Variants in EP400 observed in about 807,000 individuals in gnomAD.
EP400 encodes E1A binding protein p400, also known as E1A-binding protein p400.
A neutral mutation model predicts 354.1 loss-of-function variants in EP400; 105 were observed. The observed-to-expected ratio is 0.30, with a 90% confidence interval of 0.25 to 0.35. The LOEUF is 0.35. EP400 is among the 10% of genes least tolerant of loss of function. The probability of loss-of-function intolerance (pLI) is 1.00; values close to 1 mark genes in which losing one functional copy is unlikely to be tolerated. For missense variants in EP400, 3,280 were observed against 4,121.0 expected (o/e 0.80, Z 5.59); for synonymous variants, 1,646 against 1,716.9 (o/e 0.96, Z 1.02).
At chr12:132,026,225 C>T (rs943974055) in intron 25 of EP400, among the ~76,000 whole-genome samples, 9 of 152,186 alleles carry the variant, frequency 5.9e-5, no homozygotes, top group Admixed American at 3.9e-4. Flanking sequence ...TCTGAGTCCC[C>T]GCTCTGTGCC....
At chr12:132,000,910 T>C in intron 12 of EP400, among the ~76,000 whole-genome samples, 1 of 152,252 alleles carries the variant, frequency 6.6e-6, no homozygotes, top group African/African-American at 2.4e-5. Context: ...TCTTCAAATA[T>C]GAAATTTTAT....
At position 132,075,738 on chromosome 12, in the gene EP400, G is replaced by A. The variant is rs1296256737; in HGVS notation, c.9022-778G>A. On this transcript the variant is annotated intron_variant, in intron 51 of 52. Transcript: ENST00000389561. This position sits in a 1 kb window ranked among gnomAD's most constrained non-coding sequence, Gnocchi z 4.5. ...CACATATTTCGCAGAATAATCTTGG[G>A]AAATATTATTTTCATCCGTTTTCTG... The A allele has an allele frequency of 6.6e-6, 1 of 152,242 alleles. No homozygotes were observed. The highest frequency in any genetic ancestry group is 1.5e-5 in the Non-Finnish European group (1 of 68,100). The allele number at this position is 152,242 out of a possible 1,614,324, so 9.4% of individuals were successfully genotyped here.
In EP400 at chr12:132,028,199, G is replaced by C. The variant is rs34531099; in HGVS notation, c.5292G>C (p.Ala1764=). The change falls in exon 27 of 53, where the codon GCG becomes GCC. Residue 1764 remains alanine, a synonymous_variant. Transcript: ENST00000389561. ...DGRRGKEAGP[A]HSYTSSSESP... ...GTCGTGGGAAGGAGGCCGGGCCAGC[G>C]CACAGTTACACTTCATCCTCAGAAA... is the stretch of plus-strand genomic sequence containing the variant. 6.2e-7 allele frequency: 1 copy of C among 1,614,162 alleles called. No individual in the cohort carries two copies. The highest frequency in any genetic ancestry group is 1.3e-5 in the African/African-American group (1 of 75,030).
Position 132,017,639 on chromosome 12 carries a change from C to G in EP400, c.4028C>G (p.Pro1343Arg), listed in dbSNP as rs561755885. 1 of 1,607,130 alleles carries G rather than the reference C, an allele frequency of 6.2e-7. No individual in the cohort carries two copies. Among genetic ancestry groups the G allele is most frequent in the South Asian group, 1.1e-5 (1 of 90,578 alleles). ...NHPGLVEPRHPGSSYVAGPLE... is the reference protein window; with the variant it reads ...NHPGLVEPRHRGSSYVAGPLE... ...CCTGGGCTCGTCGAGCCCCGGCACC[C>G]AGGCTCTTCCTACGTGGCGGGGCCA... is the stretch of plus-strand genomic sequence containing the variant. Residue 1343 changes from proline (P) to arginine (R), a missense_variant, in exon 20 of 53, where the codon CCA becomes CGA. By Grantham distance (103) the Pro-to-Arg change is moderately radical. This residue lies in a region of EP400 where 342 missense variants were observed against 342.7 expected (regional missense o/e 1.00). Coordinates refer to ENST00000389561, the MANE Select transcript of EP400 (RefSeq NM_015409.5). The surrounding 1 kb of genome is among the most constrained non-coding windows in gnomAD (Gnocchi z 5.0).
chr12:131,963,221 A>G (rs778300449), intron 2 of EP400, among the ~76,000 whole-genome samples: 14 of 152,206 alleles, frequency 9.2e-5, no homozygotes. Context: ...CTATTCTGCA[A>G]ATTTCCTAGG....
intron 2 of EP400, among the ~76,000 whole-genome samples, chr12:131,968,134 T>C (rs1245106187): frequency 1.3e-5 from 2 of 152,248 alleles, no homozygotes; most frequent in African/African-American, 4.8e-5. Flanking sequence ...TTTTTTCTTT[T>C]ATGGATTTGC....
At chr12:131,989,757 C>G (rs1892969935) in intron 7 of EP400, among the ~76,000 whole-genome samples, 1 of 152,176 alleles carries the variant, frequency 6.6e-6, no homozygotes, top group African/African-American at 2.4e-5. Flanking sequence ...TATAAAAACA[C>G]TTTCTAGAAA....
At chr12:132,023,724 C>G in intron 23 of EP400, 53 bp from the exon 24 acceptor site, 2 of 1,596,518 alleles carry the variant, frequency 1.3e-6, no homozygotes, top group Non-Finnish European at 1.7e-6. Flanking sequence ...TATGACACTC[C>G]CAAATTTTTT....
chr12:132,045,925 C>A, intron 39 of EP400, 25 bp downstream of exon 39: 1 of 1,612,286 alleles, frequency 6.2e-7, no homozygotes, highest in Non-Finnish European at 8.5e-7. Flanking sequence ...GTTTGTCCTT[C>A]GAGGAGAGCA....
intron 1 of EP400, among the ~76,000 whole-genome samples, chr12:131,958,074 T>C (rs1231568713): frequency 1.3e-5 from 2 of 152,248 alleles, no homozygotes; most frequent in Non-Finnish European, 2.9e-5. Context: ...CTGATCTCCT[T>C]TGACACTCTG....
rs1895721400 is a variant in EP400 at position 132,062,297 on chromosome 12, G to A, written c.8072G>A (p.Arg2691Gln). 1.2e-6 allele frequency: 2 copies of A among 1,614,160 alleles called. No individual in the cohort carries two copies. Among genetic ancestry groups the A allele is most frequent in the South Asian group, 1.1e-5 (1 of 91,090 alleles). The change falls in exon 46 of 53, where the codon CGG becomes CAG. Residue 2691 changes from arginine (R) to glutamine (Q), a missense_variant. This residue lies in a region of EP400 where 255 missense variants were observed against 295.9 expected (regional missense o/e 0.86). Coordinates refer to ENST00000389561, the MANE Select transcript of EP400 (RefSeq NM_015409.5). ...CTGACCCCAGTGCAGACCCCGGCAC[G>A]GTCTTTGGTGCCCCAAGTGTCCCAA... ...TNLTPVQTPA[R>Q]SLVPQVSQAT...
At chr12:132,063,990 T>C (rs1471906631) in intron 47 of EP400, among the ~76,000 whole-genome samples, 1 of 146,606 alleles carries the variant, frequency 6.8e-6, no homozygotes, top group Non-Finnish European at 1.5e-5. Flanking sequence ...GCCACACAGG[T>C]ACCTTGTCAC....
At chr12:132,035,457 G>T (rs1468374086) in intron 30 of EP400, among the ~76,000 whole-genome samples, 1 of 152,246 alleles carries the variant, frequency 6.6e-6, no homozygotes, top group Non-Finnish European at 1.5e-5. Flanking sequence ...GAAGTGGGAA[G>T]TAAGGCGGAC....
intron 12 of EP400, 151 bp from the exon 13 acceptor site, chr12:132,004,926 C>T: frequency 1.5e-6 from 1 of 688,744 alleles, no homozygotes; most frequent in Non-Finnish European, 2.6e-6. Context: ...AATCTTTTTC[C>T]AAGGAGTGAT....
chr12:131,951,611 G>A (rs1359303464), intron 1 of EP400, among the ~76,000 whole-genome samples: 1 of 151,914 alleles, frequency 6.6e-6, no homozygotes, highest in Admixed American at 6.6e-5. Context: ...TCTTTTTATT[G>A]TTTTTTTGTA....
rs1173299708 is a variant in EP400 at position 132,030,009 on chromosome 12, A to G, written c.5605A>G (p.Ile1869Val). 6.2e-7 allele frequency: 1 copy of G among 1,614,232 alleles called. No individual in the cohort carries two copies. The highest frequency in any genetic ancestry group is 2.2e-5 in the East Asian group (1 of 44,888). The change falls in exon 29 of 53, where the codon ATC (isoleucine) becomes GTC (valine). Residue 1869 changes from isoleucine (I) to valine (V), a missense_variant. By Grantham distance (29) the Ile-to-Val change is conservative (BLOSUM62 3). Around this residue, in one of 20 missense-constraint regions of EP400, gnomAD observed 459 missense variants for 496.9 expected, o/e 0.92. Coordinates refer to ENST00000389561, the MANE Select transcript of EP400 (RefSeq NM_015409.5). The stretch of plus-strand genomic sequence containing the variant: ...CCCAGGGAAGTTGGAAGCTTTAGCT[A>G]TCTTGCTTCAGAAATTGAAATCTGA... Reference protein sequence around the residue: ...FDSGKLEALAILLQKLKSEGR... With the variant: ...FDSGKLEALAVLLQKLKSEGR...
At chr12:131,989,216 T>C (rs1480020190) in intron 7 of EP400, among the ~76,000 whole-genome samples, 1 of 152,206 alleles carries the variant, frequency 6.6e-6, no homozygotes, top group Non-Finnish European at 1.5e-5. Context: ...GGGCCATCTC[T>C]CAACAGCTGA....
rs563248491 is a variant in EP400 at position 132,035,790 on chromosome 12, G to A, written c.5952-1892G>A. 1.8e-3 allele frequency among the ~76,000 whole-genome samples: 255 copies of A among 144,298 alleles called. 1 individual carries two copies. The highest frequency in any genetic ancestry group is 6.3e-3 in the African/African-American group (243 of 38,558). The allele number at this position is 144,298 out of a possible 152,430, so 94.7% of individuals were successfully genotyped here. ...CACAGCCAGGTTCACACGGAACGTC[G>A]TGGAAGGACATACCCAGGTTCACGC... On this transcript the variant is annotated intron_variant, in intron 30 of 52. Transcript: ENST00000389561.
In EP400 at chr12:132,006,743, A is replaced by G. The variant is rs1173494475; in HGVS notation, c.3170A>G (p.Asp1057Gly). Residue 1057 changes from aspartate (D) to glycine (G), a missense_variant, in exon 15 of 53, where the codon GAT becomes GGT. Physicochemically the swap from Asp to Gly is moderately conservative, Grantham distance 94. Coordinates refer to ENST00000389561, the MANE Select transcript of EP400 (RefSeq NM_015409.5). ...APSLLYGALR[D>G]YQKIGLDWLA... The stretch of plus-strand genomic sequence containing the variant: ...TCTTTGTTGTATGGGGCTCTCAGAG[A>G]TTATCAGAAGATTGGCCTGGACTGG... 6.2e-7 allele frequency: 1 copy of G among 1,612,862 alleles called. No homozygotes were observed. Among genetic ancestry groups the G allele is most frequent in the African/African-American group, 1.3e-5 (1 of 74,858 alleles).
Sources: allele counts gnomAD v4.1 joint callset (sites outside exome capture counted in the v4.1 genomes callset), GRCh38; gene constraint gnomAD v4.1.1; regional missense constraint gnomAD v4.1.1; non-coding constraint Gnocchi (gnomAD v3.1); transcripts MANE v1.5; gene names NCBI Gene and HGNC (gene_info 2026-07-23, HGNC 2026-07-21).